The following FHIT variants were observed in gnomAD, a reference collection of about 807,000 sequenced individuals.
FHIT encodes fragile histidine triad diadenosine triphosphatase, also known as bis(5'-adenosyl)-triphosphatase.
Under a neutral mutation model 17.9 loss-of-function variants are expected in FHIT, and 19 were observed. That is an observed-to-expected ratio of 1.06 (90% confidence interval 0.74 to 1.56). The LOEUF is 1.56. Ranked by LOEUF, FHIT falls within the 40% of genes most tolerant of loss-of-function variation. FHIT has a pLI of 0.00. For synonymous variants in FHIT, 81 were observed against 69.7 expected (o/e 1.16, Z -0.81); for missense variants, 248 against 189.2 (o/e 1.31, Z -1.82).
At chr3:59,750,116 G>A (rs1225587532) in intron 9 of FHIT, 1 of 226,708 alleles carries the variant, frequency 4.4e-6, no homozygotes, top group Non-Finnish European at 8.8e-6. Context: ...CAATTTACCT[G>A]GAAGACAGGA....
intron 2 of FHIT, among the ~76,000 whole-genome samples, chr3:61,186,180 T>A (rs140027005): frequency 2.0e-5 from 3 of 152,212 alleles, no homozygotes; most frequent in African/African-American, 7.2e-5. Flanking sequence ...GTTATTTACA[T>A]CACTGGGACT....
At chr3:60,235,723 A>G (rs1441268027) in intron 5 of FHIT, among the ~76,000 whole-genome samples, 1 of 152,200 alleles carries the variant, frequency 6.6e-6, no homozygotes, top group Non-Finnish European at 1.5e-5. Context: ...CTTGAAAAAC[A>G]TCACAACAGA....
At chr3:60,432,754 A>G (rs779839585) in intron 5 of FHIT, among the ~76,000 whole-genome samples, 14 of 152,154 alleles carry the variant, frequency 9.2e-5, no homozygotes, top group Non-Finnish European at 1.8e-4. Context: ...TAAAATTAAC[A>G]TGTTGCCAAC....
chr3:60,778,294 A>G (rs1399405639), intron 4 of FHIT, among the ~76,000 whole-genome samples: 3 of 83,336 alleles, frequency 3.6e-5, no homozygotes, highest in African/African-American at 1.5e-4. Context: ...TGCTATTCAC[A>G]GACAATTGTT....
At chr3:60,909,020 T>C (rs1352768171) in intron 3 of FHIT, among the ~76,000 whole-genome samples, 1 of 152,156 alleles carries the variant, frequency 6.6e-6, no homozygotes. Flanking sequence ...CCTTAGCTAA[T>C]ATTTTCATAC....
At chr3:60,097,024 T>TAAAAAAAAA (rs71287192) in intron 5 of FHIT, among the ~76,000 whole-genome samples, 2 of 127,228 alleles carry the variant, frequency 1.6e-5, no homozygotes, top group African/African-American at 2.9e-5. Context: ...CTGTTATTAT[T>TAAAAAAAAA]AAAAAAAAAA....
intron 4 of FHIT, among the ~76,000 whole-genome samples, chr3:60,652,543 C>T (rs1369597378): frequency 6.6e-6 from 1 of 152,032 alleles, no homozygotes; most frequent in East Asian, 1.9e-4. Context: ...ACCATCCTGG[C>T]TAATATGGTG....
At chr3:60,569,683 C>G (rs541871580) in intron 4 of FHIT, among the ~76,000 whole-genome samples, 36 of 145,410 alleles carry the variant, frequency 2.5e-4, no homozygotes, top group South Asian at 1.1e-3. Flanking sequence ...CAGTACTTCC[C>G]AAATTAGTCA....
At chr3:59,765,727 A>G (rs1326689947) in intron 8 of FHIT, among the ~76,000 whole-genome samples, 4 of 152,240 alleles carry the variant, frequency 2.6e-5, no homozygotes, top group Non-Finnish European at 5.9e-5. Flanking sequence ...TATGACTGCC[A>G]GGTATATTAC....
At chr3:60,108,356 G>C (rs781415259) in intron 5 of FHIT, among the ~76,000 whole-genome samples, 1 of 152,144 alleles carries the variant, frequency 6.6e-6, no homozygotes, top group Non-Finnish European at 1.5e-5. Flanking sequence ...TCAAAAGTTG[G>C]TTCTCAGCCA....
intron 5 of FHIT, among the ~76,000 whole-genome samples, chr3:60,078,990 C>G (rs929430259): frequency 5.3e-5 from 8 of 151,768 alleles, no homozygotes; most frequent in African/African-American, 1.9e-4. Context: ...GCAGCTGTAC[C>G]ATAAAGTGTT....
At chr3:60,050,417 T>A (rs760112129) in intron 5 of FHIT, among the ~76,000 whole-genome samples, 11 of 152,220 alleles carry the variant, frequency 7.2e-5, no homozygotes, top group Non-Finnish European at 4.4e-5. Flanking sequence ...GGATCTTCAG[T>A]CCATCATGAA....
chr3:60,111,852 A>C (rs757442753), intron 5 of FHIT, among the ~76,000 whole-genome samples: 10 of 152,172 alleles, frequency 6.6e-5, no homozygotes, highest in Middle Eastern at 3.2e-3. Context: ...GCATCTCCCC[A>C]TTGACATCTA....
At chr3:61,051,249 C>CTGTT (rs57097773) in intron 2 of FHIT, among the ~76,000 whole-genome samples, 22,577 of 150,790 alleles carry the variant, frequency 0.15, 1,827 homozygotes, top group African/African-American at 0.2. Context: ...ACCACTATCT[C>CTGTT]TGTTTGTTTG....
intron 2 of FHIT, among the ~76,000 whole-genome samples, chr3:61,123,884 C>T (rs928542457): frequency 6.6e-6 from 1 of 151,838 alleles, no homozygotes; most frequent in Admixed American, 6.6e-5. Context: ...CTTACAAATA[C>T]GTACAACATG....
chr3:59,747,898 C>T lies in FHIT; in HGVS notation c.*1687G>A, dbSNP rs553557586. ...GATCTGGCCTCCACTGCTGTTTCTC[C>T]AAAGTTGGGAGTCAGTCATATTCCT... On this transcript the variant is annotated 3_prime_UTR_variant, in exon 10 of 10. Transcript: ENST00000492590. 6.6e-6 allele frequency among the ~76,000 whole-genome samples: 1 copy of T among 152,220 alleles called. No individual in the cohort carries two copies. The highest frequency in any genetic ancestry group is 2.4e-5 in the African/African-American group (1 of 41,556).
At chr3:59,767,655 A>C (rs990378722) in intron 8 of FHIT, among the ~76,000 whole-genome samples, 4 of 152,148 alleles carry the variant, frequency 2.6e-5, no homozygotes, top group African/African-American at 9.7e-5. Context: ...TTTTTAATGG[A>C]GCTCTATTGA....
At chr3:60,737,378 G>A (rs1318732717) in intron 4 of FHIT, among the ~76,000 whole-genome samples, 1 of 152,194 alleles carries the variant, frequency 6.6e-6, no homozygotes, top group African/African-American at 2.4e-5. Flanking sequence ...ATAAACAAGA[G>A]TTGGGCCATG....
At chr3:60,752,921 T>A (rs1289772065) in intron 4 of FHIT, among the ~76,000 whole-genome samples, 1 of 152,206 alleles carries the variant, frequency 6.6e-6, no homozygotes, top group African/African-American at 2.4e-5. Context: ...TCTCTAGGTA[T>A]CCCGTTAGGC....
Sources: gnomAD v4.1 joint callset for allele counts (sites outside exome capture counted in the v4.1 genomes callset) on GRCh38, gnomAD v4.1.1 for gene constraint, MANE v1.5 for transcripts, NCBI Gene and HGNC (gene_info 2026-07-23, HGNC 2026-07-21) for gene names.